The following MAPT variants were observed in gnomAD, a reference collection of about 807,000 sequenced individuals.
MAPT encodes microtubule associated protein tau.
A neutral mutation model predicts 67.9 loss-of-function variants in MAPT; 34 were observed. The observed-to-expected ratio is 0.50, with a 90% CI of 0.38 to 0.67. The LOEUF (loss-of-function observed/expected upper bound fraction) is 0.67, where lower values mean the gene tolerates loss of function less well. Ranked by LOEUF, MAPT falls within the 30% of genes least tolerant of loss-of-function variation. MAPT has a pLI of 0.00. For synonymous variants in MAPT, 456 were observed against 464.5 expected (o/e 0.98, Z 0.23); for missense variants, 881 against 1,115.2 (o/e 0.79, Z 2.99).
rs2065086452 is a variant in MAPT at position 45,915,089 on chromosome 17, C to G, written c.-18+20403C>G. On this transcript the variant is annotated intron_variant, in intron 1 of 12. Transcript: ENST00000262410. This position sits in a 1 kb window ranked among gnomAD's most constrained non-coding sequence, Gnocchi z 4.4. ...CACACTTGGAAAGGATGAAAATATCCGGAAGAAGGGTTCTTTTAAAAGGCT... is the reference window on the plus strand; with the variant it reads ...CACACTTGGAAAGGATGAAAATATCGGGAAGAAGGGTTCTTTTAAAAGGCT... Among the ~76,000 whole-genome samples the G allele has an allele frequency of 1.3e-5, 2 of 152,154 alleles. No individual in the cohort carries two copies. Among genetic ancestry groups the G allele is most frequent in the South Asian group, 4.1e-4 (2 of 4,830 alleles).
In MAPT at chr17:45,971,733, G is replaced by C; in HGVS notation, c.134-126G>C. On this transcript the variant is annotated intron_variant, in intron 2 of 12. Coordinates refer to ENST00000262410, the MANE Select transcript of MAPT (RefSeq NM_001377265.1). The surrounding 1 kb of genome is among the most constrained non-coding windows in gnomAD (Gnocchi z 4.3). Reference sequence around the variant, plus strand: ...CTTTGTGGGTTTGTTGCGAGGCCGTGTTCCAGCTGTTTCCACAGGGAGCGA... The same window carrying C: ...CTTTGTGGGTTTGTTGCGAGGCCGTCTTCCAGCTGTTTCCACAGGGAGCGA... The C allele has an allele frequency of 2.7e-6, 2 of 747,096 alleles. No homozygotes were observed. Among genetic ancestry groups the C allele is most frequent in the Non-Finnish European group, 4.8e-6 (2 of 415,012 alleles). 46.3% of individuals were successfully genotyped at this position (747,096 alleles called of 1,614,324 possible).
chr17:45,897,036 G>C lies in MAPT; in HGVS notation c.-18+2350G>C, dbSNP rs940089629. The C allele has an allele frequency of 6.6e-6, 1 of 152,278 alleles. No individual in the cohort carries two copies. The highest frequency in any genetic ancestry group is 1.5e-5 in the Non-Finnish European group (1 of 68,072). 9.4% of individuals were successfully genotyped at this position (152,278 alleles called of 1,614,324 possible). A position where few individuals can be genotyped will look rare whatever the true frequency, so the allele number is the denominator to read the frequency against. On this transcript the variant is annotated intron_variant, in intron 1 of 12. Coordinates refer to ENST00000262410, the MANE Select transcript of MAPT (RefSeq NM_001377265.1). The surrounding 1 kb of genome is among the most constrained non-coding windows in gnomAD (Gnocchi z 5.0). ...TTGGCTGCCCGCCCGGGACCAGGCC[G>C]ACCCTCCTTGACGGTGGCGTAGAGG...
chr17:46,011,323 G>A (rs1450733355), intron 10 of MAPT, among the ~76,000 whole-genome samples: 1 of 152,198 alleles, frequency 6.6e-6, no homozygotes, highest in African/African-American at 2.4e-5. Context: ...CTGAGTCCGG[G>A]AGGCGGAAGT....
chr17:45,956,587 TATATATATATA>T (rs1568230994), intron 1 of MAPT, among the ~76,000 whole-genome samples: 11 of 7,712 alleles, frequency 1.4e-3, no homozygotes, highest in African/African-American at 2.2e-3. Flanking sequence ...TATATATATA[TATATATATATA>T]TATTTTTTAT....
In MAPT at chr17:46,028,022, G is replaced by A. The variant is rs2076891943; in HGVS notation, c.*3851G>A. 1 of 155,936 alleles carries A rather than the reference G, an allele frequency of 6.4e-6. No individual in the cohort carries two copies. Among genetic ancestry groups the A allele is most frequent in the Non-Finnish European group, 1.4e-5 (1 of 70,388 alleles). The allele number at this position is 155,936 out of a possible 1,614,324, so 9.7% of individuals were successfully genotyped here. On this transcript the variant is annotated 3_prime_UTR_variant, in exon 13 of 13. Coordinates refer to ENST00000262410, the MANE Select transcript of MAPT (RefSeq NM_001377265.1). ...TGATCACCTGCGTGTCCCATCTACAGACCTGCAGCTTCATAAAACTTCTGA... is the reference window on the plus strand; with the variant it reads ...TGATCACCTGCGTGTCCCATCTACAAACCTGCAGCTTCATAAAACTTCTGA...
chr17:45,935,830 G>A (rs1234594394), intron 1 of MAPT, among the ~76,000 whole-genome samples: 7 of 152,090 alleles, frequency 4.6e-5, no homozygotes, highest in South Asian at 2.1e-4. Context: ...CACCTTCTCC[G>A]CAGAGCCTTC....
At chr17:45,989,494 C>A (rs2073883204) in intron 6 of MAPT, among the ~76,000 whole-genome samples, 1 of 151,746 alleles carries the variant, frequency 6.6e-6, no homozygotes, top group Non-Finnish European at 1.5e-5. Context: ...ACTAAAAATA[C>A]AAAAAAACGA....
rs1428276857 is a variant in MAPT, at chr17:45,906,327, G to T, written c.-18+11641G>T. Among the ~76,000 whole-genome samples the T allele has an allele frequency of 6.6e-6, 1 of 152,138 alleles. No homozygotes were observed. Among genetic ancestry groups the T allele is most frequent in the Non-Finnish European group, 1.5e-5 (1 of 68,028 alleles). ...CCTAACCAGACAGGGACTTGGTACA[G>T]AATCTCATATTCTAATTATGCCTAG... is the stretch of plus-strand genomic sequence containing the variant. On this transcript the variant is annotated intron_variant, in intron 1 of 12. Transcript: ENST00000262410. The surrounding 1 kb of genome is among the most constrained non-coding windows in gnomAD (Gnocchi z 4.3).
intron 12 of MAPT, among the ~76,000 whole-genome samples, chr17:46,019,525 C>T (rs901429396): frequency 6.6e-6 from 1 of 152,060 alleles, no homozygotes; most frequent in Non-Finnish European, 1.5e-5. Flanking sequence ...TGCCACTATG[C>T]CTGGCTAAAT....
intron 1 of MAPT, among the ~76,000 whole-genome samples, chr17:45,903,445 C>T (rs941372507): frequency 2.6e-5 from 4 of 151,928 alleles, no homozygotes; most frequent in Non-Finnish European, 4.4e-5. Flanking sequence ...GCAGTCTGGG[C>T]GCGGTGGCTC....
At position 45,958,271 on chromosome 17, in the gene MAPT, A is replaced by G. The variant is rs183165119; in HGVS notation, c.-17-4050A>G. Among the ~76,000 whole-genome samples the G allele has an allele frequency of 2.0e-5, 3 of 152,282 alleles. No individual in the cohort carries two copies. In the East Asian group the frequency reaches 5.8e-4, roughly 29 times the overall value. On this transcript the variant is annotated intron_variant, in intron 1 of 12. Transcript: ENST00000262410. ...ACAGATTTGACTATATAAAACTTAA[A>G]CCCTGCCCATCAAAAACCATCAGAA...
chr17:45,961,911 G>T (rs1026528674), intron 1 of MAPT, among the ~76,000 whole-genome samples: 1 of 152,048 alleles, frequency 6.6e-6, no homozygotes, highest in East Asian at 1.9e-4. Context: ...CAGTAGCTGG[G>T]ATTACAGGCA....
intron 5 of MAPT, among the ~76,000 whole-genome samples, chr17:45,984,595 C>G (rs1363490614): frequency 6.6e-6 from 1 of 152,222 alleles, no homozygotes; most frequent in African/African-American, 2.4e-5. Flanking sequence ...AGTGCCCTGC[C>G]CCCACCCACT....
Position 45,996,913 on chromosome 17 carries a change from G to A in MAPT, c.1998+249G>A, listed in dbSNP as rs116651653. On this transcript the variant is annotated intron_variant, in intron 9 of 12. Coordinates refer to ENST00000262410, the MANE Select transcript of MAPT (RefSeq NM_001377265.1). This position sits in a 1 kb window ranked among gnomAD's most constrained non-coding sequence, Gnocchi z 4.5. ...TACACTGTGAGTGCCCTCCTCAGGC[G>A]AGAGAACGTTCTGGCTCTTCTCTTG... Among the ~76,000 whole-genome samples the A allele has an allele frequency of 2.6e-5, 4 of 152,318 alleles. No homozygotes were observed. The highest frequency in any genetic ancestry group is 3.4e-3 in the Middle Eastern group (1 of 294).
chr17:46,017,950 C>G (rs57930510), intron 11 of MAPT, among the ~76,000 whole-genome samples: 4,909 of 151,332 alleles, frequency 0.032, 443 homozygotes, highest in East Asian at 0.29. Flanking sequence ...TTGAGACCAT[C>G]CTGGCTAACA....
chr17:46,011,572 A>G (rs2075821941), intron 10 of MAPT, among the ~76,000 whole-genome samples: 2 of 152,024 alleles, frequency 1.3e-5, no homozygotes, highest in South Asian at 4.1e-4. Context: ...GTCTATGTCG[A>G]CTGGGCACCC....
intron 7 of MAPT, among the ~76,000 whole-genome samples, chr17:45,990,746 C>G (rs75743061): frequency 0.14 from 22,060 of 152,178 alleles, 2,141 homozygotes; most frequent in Non-Finnish European, 0.22. Context: ...GAGCTCACTG[C>G]CCCCTCAACT....
At chr17:45,943,485 C>A (rs2068176839) in intron 1 of MAPT, among the ~76,000 whole-genome samples, 1 of 152,134 alleles carries the variant, frequency 6.6e-6, no homozygotes, top group South Asian at 2.1e-4. Flanking sequence ...CCTCTTCTCC[C>A]CTGCGACTTT....
At chr17:45,967,809 C>T (rs1389104228) in intron 2 of MAPT, among the ~76,000 whole-genome samples, 3 of 152,160 alleles carry the variant, frequency 2.0e-5, no homozygotes, top group African/African-American at 7.2e-5. Context: ...GCCCAAGCCA[C>T]ACCCAAAACC....
Sources: allele counts gnomAD v4.1 joint callset (sites outside exome capture counted in the v4.1 genomes callset), GRCh38; gene constraint gnomAD v4.1.1; non-coding constraint Gnocchi (gnomAD v3.1); transcripts MANE v1.5; gene names NCBI Gene and HGNC (gene_info 2026-07-23, HGNC 2026-07-21).